MAP3K15: variants seen among roughly 807,000 people sequenced by gnomAD.
MAP3K15 encodes mitogen-activated protein kinase kinase kinase 15.
MAP3K15 carries 124 observed loss-of-function variants against 99.5 expected under a neutral mutation model. The ratio of observed to expected loss-of-function variants is 1.25; its 90% CI spans 1.08 to 1.45. The LOEUF is 1.45. MAP3K15 is among the 40% of genes most tolerant of loss of function. The pLI is 0.00. For synonymous variants in MAP3K15, 494 were observed against 439.6 expected, an observed-to-expected ratio of 1.12 and a Z score of -1.55; for missense variants, 1,242 against 1,079.7, an observed-to-expected ratio of 1.15 and a Z score of -2.11.
chrX:19,471,800 T>C (rs1387621685), intron 3 of MAP3K15, among the ~76,000 whole-genome samples: 2 of 111,479 alleles, frequency 1.8e-5, no homozygotes, highest in African/African-American at 6.5e-5. Flanking sequence ...ATATTCAAAG[T>C]GCTGAAAGAA....
At chrX:19,439,532 C>A (rs929614729) in intron 6 of MAP3K15, among the ~76,000 whole-genome samples, 9 of 111,536 alleles carry the variant, frequency 8.1e-5, no homozygotes, top group African/African-American at 2.6e-4. Context: ...GTGGCATGGT[C>A]ATAGCTCAAC....
intron 6 of MAP3K15, among the ~76,000 whole-genome samples, chrX:19,440,472 C>T (rs1017653621): frequency 6.2e-5 from 7 of 112,105 alleles, no homozygotes; most frequent in Non-Finnish European, 1.1e-4. Flanking sequence ...GTCAAATAAA[C>T]GTACAGATCC....
rs368987947 is a variant in MAP3K15, at chrX:19,485,308, C to CA, written c.525+1173dup. ...TGGCTGACAGAGCGAGACTCTGTCT[C>CA]AAAAAAAAAAAAAAAAAAAAAAAAA... is the stretch of plus-strand genomic sequence containing the variant. On this transcript the variant is annotated intron_variant, in intron 3 of 28. Transcript: ENST00000338883. 6.4e-3 allele frequency among the ~76,000 whole-genome samples: 51 copies of CA among 7,935 alleles called. 19 individuals are homozygous for CA. The highest frequency in any genetic ancestry group is 9.2e-3 in the Non-Finnish European group (43 of 4,693). The allele number at this position is 7,935 out of a possible 115,157, so 6.9% of individuals were successfully genotyped here.
At chrX:19,390,452 C>A (rs1275526489) in intron 18 of MAP3K15, among the ~76,000 whole-genome samples, 2 of 102,416 alleles carry the variant, frequency 2.0e-5, no homozygotes, top group African/African-American at 7.1e-5. Flanking sequence ...GGACCATAGG[C>A]GCACACCACC....
At chrX:19,428,970 A>T (rs2063856572) in intron 7 of MAP3K15, among the ~76,000 whole-genome samples, 2 of 110,758 alleles carry the variant, frequency 1.8e-5, no homozygotes, top group South Asian at 7.7e-4. Flanking sequence ...CTCAGTCTCA[A>T]AAAAAGAAAA....
chrX:19,362,267 T>C (rs1052087846), intron 26 of MAP3K15, among the ~76,000 whole-genome samples: 2 of 97,201 alleles, frequency 2.1e-5, no homozygotes, highest in Non-Finnish European at 4.0e-5. Context: ...AGGGTTTCAC[T>C]GTCACTCAGG....
chrX:19,380,110 C>G lies in MAP3K15; in HGVS notation c.2589+10G>C. On this transcript the variant is annotated intron_variant, in intron 19 of 28. Transcript: ENST00000338883. ...ACCACGCCCAACCTCAATCACGAAG[C>G]ATGACTTACTTTGAACATGGCTGCC... The G allele has an allele frequency of 8.5e-7, 1 of 1,176,939 alleles. No individual in the cohort carries two copies. The highest frequency in any genetic ancestry group is 1.9e-5 in the South Asian group (1 of 51,719).
At chrX:19,395,038 A>C (rs1241953017) in intron 16 of MAP3K15, 43 bp downstream of exon 16, 25 of 1,184,614 alleles carry the variant, frequency 2.1e-5, no homozygotes, top group Non-Finnish European at 2.9e-5. Context: ...TCCACGTCGT[A>C]GTGATTTTCA....
At chrX:19,508,837 T>C (rs1280631389) in intron 1 of MAP3K15, among the ~76,000 whole-genome samples, 1 of 111,485 alleles carries the variant, frequency 9.0e-6, no homozygotes, top group Non-Finnish European at 1.9e-5. Flanking sequence ...TGTGCCAAGA[T>C]CGTGCCACTG....
At chrX:19,398,942 T>G (rs1204702673) in intron 14 of MAP3K15, among the ~76,000 whole-genome samples, 1 of 112,176 alleles carries the variant, frequency 8.9e-6, no homozygotes, top group Non-Finnish European at 1.9e-5. Context: ...ACAGATGCAT[T>G]TGATTCTTCT....
At chrX:19,405,123 G>T (rs1186694312) in intron 13 of MAP3K15, among the ~76,000 whole-genome samples, 3 of 110,203 alleles carry the variant, frequency 2.7e-5, no homozygotes, top group Admixed American at 9.8e-5. Flanking sequence ...ATCTGATAAA[G>T]AACTTACATA....
chrX:19,415,086 A>G (rs1045589231), intron 10 of MAP3K15, 21 bp downstream of exon 10: 8 of 1,115,493 alleles, frequency 7.2e-6, no homozygotes, highest in Admixed American at 3.4e-5. Flanking sequence ...CTTAAAAAAA[A>G]ATGGATTTAG....
chrX:19,379,765 A>G (rs1000264161), intron 19 of MAP3K15, among the ~76,000 whole-genome samples: 2 of 111,544 alleles, frequency 1.8e-5, no homozygotes, highest in Non-Finnish European at 3.8e-5. Context: ...GGATGAAGCC[A>G]AACAGTGAAC....
intron 3 of MAP3K15, among the ~76,000 whole-genome samples, chrX:19,469,835 T>C (rs1239395859): frequency 1.8e-5 from 2 of 109,287 alleles, no homozygotes; most frequent in Non-Finnish European, 3.8e-5. Context: ...GAAATGCAAA[T>C]CAAAACCACA....
intron 6 of MAP3K15, among the ~76,000 whole-genome samples, chrX:19,455,752 C>G (rs943462615): frequency 1.8e-5 from 2 of 109,941 alleles, no homozygotes; most frequent in Non-Finnish European, 3.8e-5. Context: ...ACGGTTACCT[C>G]TACTATGTCT....
intron 13 of MAP3K15, among the ~76,000 whole-genome samples, chrX:19,403,811 C>A (rs1233113540): frequency 1.8e-5 from 2 of 110,666 alleles, no homozygotes; most frequent in African/African-American, 6.6e-5. Flanking sequence ...GTCTGAGACA[C>A]AATGAATTAA....
At chrX:19,381,610 C>T (rs779000363) in intron 18 of MAP3K15, among the ~76,000 whole-genome samples, 7 of 111,693 alleles carry the variant, frequency 6.3e-5, no homozygotes, top group South Asian at 3.8e-4. Flanking sequence ...ATGTCTGACA[C>T]GGGGCAGGGT....
intron 6 of MAP3K15, among the ~76,000 whole-genome samples, chrX:19,436,771 A>G (rs1359465342): frequency 9.0e-6 from 1 of 111,584 alleles, no homozygotes; most frequent in Non-Finnish European, 1.9e-5. Flanking sequence ...TCTAACTCAC[A>G]GGCTGAAGCG....
At chrX:19,379,140 T>G (rs2063440216) in intron 19 of MAP3K15, among the ~76,000 whole-genome samples, 1 of 111,010 alleles carries the variant, frequency 9.0e-6, no homozygotes, top group Non-Finnish European at 1.9e-5. Flanking sequence ...CTTATAACTT[T>G]AAGGTTCTTT....
Sources: allele counts gnomAD v4.1 joint callset (sites outside exome capture counted in the v4.1 genomes callset), GRCh38; gene constraint gnomAD v4.1.1; transcripts MANE v1.5; gene names NCBI Gene and HGNC (gene_info 2026-07-23, HGNC 2026-07-21).